MAGI1: variants seen among roughly 807,000 people sequenced by gnomAD.
MAGI1 encodes membrane associated guanylate kinase, WW and PDZ domain containing 1, also known as membrane-associated guanylate kinase, WW and PDZ domain-containing protein 1.
A neutral mutation model predicts 139.9 loss-of-function variants in MAGI1; 58 were observed. The ratio of observed to expected loss-of-function variants is 0.41; its 90% CI spans 0.34 to 0.52. MAGI1 has a LOEUF of 0.52. MAGI1 is among the 20% of genes least tolerant of loss of function. The probability of loss-of-function intolerance (pLI) is 0.12; values close to 1 mark genes in which losing one functional copy is unlikely to be tolerated. For synonymous variants in MAGI1, 812 were observed against 737.9 expected, an observed-to-expected ratio of 1.10 and a Z score of -1.63; for missense variants, 1,874 against 1,901.6, an observed-to-expected ratio of 0.99 and a Z score of 0.27.
chr3:65,780,243 C>T lies in MAGI1; in HGVS notation c.314-158155G>A, dbSNP rs993622112. The stretch of plus-strand genomic sequence containing the variant: ...TTTGCCATGTTGCCCAGGCTGGTCT[C>T]AAACTCCCAGGCTCAAGTGATCCCC... On this transcript the variant is annotated intron_variant, in intron 1 of 22. Coordinates refer to ENST00000402939, the MANE Select transcript of MAGI1 (RefSeq NM_001033057.2). 4.6e-5 allele frequency among the ~76,000 whole-genome samples: 7 copies of T among 152,164 alleles called. 1 individual carries two copies. Among genetic ancestry groups the T allele is most frequent in the Non-Finnish European group, 1.0e-4 (7 of 68,032 alleles).
chr3:65,795,597 A>C (rs1039623097), intron 1 of MAGI1, among the ~76,000 whole-genome samples: 3 of 152,074 alleles, frequency 2.0e-5, no homozygotes, highest in Non-Finnish European at 4.4e-5. Flanking sequence ...TCTTACAACT[A>C]CTTGTAAATC....
intron 1 of MAGI1, among the ~76,000 whole-genome samples, chr3:65,651,832 C>A (rs534902754): frequency 6.6e-6 from 1 of 152,238 alleles, no homozygotes; most frequent in Admixed American, 6.5e-5. Context: ...CAACCTTCTC[C>A]CCACTCATCT....
At chr3:65,638,394 A>C (rs981831343) in intron 1 of MAGI1, among the ~76,000 whole-genome samples, 13 of 152,020 alleles carry the variant, frequency 8.6e-5, no homozygotes, top group Admixed American at 3.3e-4. Flanking sequence ...CAAATGAGTT[A>C]AACAAGCCAG....
chr3:65,868,918 C>T (rs1165896027), intron 1 of MAGI1, among the ~76,000 whole-genome samples: 1 of 152,110 alleles, frequency 6.6e-6, no homozygotes, highest in African/African-American at 2.4e-5. Context: ...ATTTTCAACC[C>T]TCTGACCCTG....
intron 1 of MAGI1, among the ~76,000 whole-genome samples, chr3:65,837,870 CA>C (rs1454905553): frequency 4.6e-5 from 7 of 152,086 alleles, no homozygotes; most frequent in Admixed American, 3.3e-4. Context: ...TTCTCAAACT[CA>C]GTTTGACCAA....
chr3:65,586,080 C>T (rs1480382270), intron 2 of MAGI1, among the ~76,000 whole-genome samples: 1 of 151,990 alleles, frequency 6.6e-6, no homozygotes. Context: ...GTTGGTGGCG[C>T]ATGCCTGTAC....
intron 1 of MAGI1, among the ~76,000 whole-genome samples, chr3:65,845,140 A>G (rs2058943403): frequency 6.6e-6 from 1 of 151,812 alleles, no homozygotes; most frequent in South Asian, 2.1e-4. Context: ...AGTCCCAGCT[A>G]TTCAGGAAGG....
At chr3:66,017,425 C>A (rs914694083) in intron 1 of MAGI1, among the ~76,000 whole-genome samples, 6 of 152,232 alleles carry the variant, frequency 3.9e-5, no homozygotes, top group African/African-American at 1.4e-4. Context: ...TCAGATCAAA[C>A]TCCAGGGGGT....
chr3:65,510,059 T>G (rs374105511), intron 2 of MAGI1, among the ~76,000 whole-genome samples: 24 of 152,098 alleles, frequency 1.6e-4, no homozygotes, highest in East Asian at 1.4e-3. Flanking sequence ...CACCTCACAC[T>G]GCAGGGTATT....
chr3:65,911,653 AC>A (rs568822919), intron 1 of MAGI1, among the ~76,000 whole-genome samples: 278 of 152,282 alleles, frequency 1.8e-3, no homozygotes, highest in African/African-American at 6.2e-3. Flanking sequence ...TCAAAGCCAC[AC>A]CCCAACAGCA....
intron 1 of MAGI1, among the ~76,000 whole-genome samples, chr3:65,751,864 C>A (rs1211805068): frequency 6.6e-6 from 1 of 152,144 alleles, no homozygotes; most frequent in Non-Finnish European, 1.5e-5. Context: ...CTTCTTTATT[C>A]TATTCTTTTA....
intron 1 of MAGI1, among the ~76,000 whole-genome samples, chr3:65,759,065 C>CAAAAAAAA (rs200497203): frequency 1.2e-4 from 9 of 73,082 alleles, no homozygotes; most frequent in African/African-American, 3.3e-4. Context: ...AGGCCCAGTG[C>CAAAAAAAA]AAAAAAAAAA....
At chr3:65,700,421 G>A (rs1369211104) in intron 1 of MAGI1, among the ~76,000 whole-genome samples, 2 of 152,138 alleles carry the variant, frequency 1.3e-5, no homozygotes, top group Non-Finnish European at 2.9e-5. Flanking sequence ...GGGCACTCCA[G>A]CCTGGGCTAC....
At chr3:65,850,266 A>G (rs920661881) in intron 1 of MAGI1, among the ~76,000 whole-genome samples, 1 of 152,188 alleles carries the variant, frequency 6.6e-6, no homozygotes, top group Non-Finnish European at 1.5e-5. Flanking sequence ...TATACAAACT[A>G]GAATGACCAA....
At chr3:65,849,343 T>C (rs2059124290) in intron 1 of MAGI1, among the ~76,000 whole-genome samples, 1 of 151,844 alleles carries the variant, frequency 6.6e-6, no homozygotes, top group East Asian at 1.9e-4. Flanking sequence ...TCTTTTCCCT[T>C]CTGCACAAAC....
At chr3:65,822,085 G>C (rs2041980624) in intron 1 of MAGI1, among the ~76,000 whole-genome samples, 1 of 152,074 alleles carries the variant, frequency 6.6e-6, no homozygotes, top group Non-Finnish European at 1.5e-5. Context: ...CACAGGGATG[G>C]GATCAGGTAA....
intron 1 of MAGI1, among the ~76,000 whole-genome samples, chr3:65,732,846 A>G (rs1253488653): frequency 6.6e-6 from 1 of 152,198 alleles, no homozygotes; most frequent in African/African-American, 2.4e-5. Flanking sequence ...TGGCAAAAAA[A>G]CTATGACTCT....
intron 1 of MAGI1, among the ~76,000 whole-genome samples, chr3:65,852,456 C>T (rs944094791): frequency 1.3e-5 from 2 of 151,916 alleles, no homozygotes. Flanking sequence ...CGTATATACA[C>T]ACACCTCCAT....
intron 1 of MAGI1, among the ~76,000 whole-genome samples, chr3:66,016,020 T>G (rs922789888): frequency 2.6e-5 from 4 of 152,086 alleles, no homozygotes; most frequent in African/African-American, 7.2e-5. Flanking sequence ...TCCAACAAAT[T>G]CAGCTCTATA....
Sources: allele counts gnomAD v4.1 joint callset (sites outside exome capture counted in the v4.1 genomes callset), GRCh38; gene constraint gnomAD v4.1.1; transcripts MANE v1.5; gene names NCBI Gene and HGNC (gene_info 2026-07-23, HGNC 2026-07-21).